FBXL17: variants seen among roughly 807,000 people sequenced by gnomAD.
FBXL17 encodes the protein F-box and leucine rich repeat protein 17.
FBXL17 carries 22 observed loss-of-function variants against 66.2 expected under a neutral mutation model. That is an observed-to-expected ratio of 0.33 (90% CI 0.24 to 0.47). FBXL17 has a LOEUF of 0.47. Among genes scored for constraint, FBXL17 ranks in the 20% least tolerant of loss-of-function variants. FBXL17 has a pLI of 1.00. For synonymous variants in FBXL17, 474 were observed against 400.5 expected (o/e 1.18, Z -2.19); for missense variants, 878 against 948.2 (o/e 0.93, Z 0.97).
At chr5:108,340,363 C>G (rs1380204576) in intron 4 of FBXL17, among the ~76,000 whole-genome samples, 1 of 137,456 alleles carries the variant, frequency 7.3e-6, no homozygotes, top group African/African-American at 2.7e-5. Flanking sequence ...CCAGCCTGGG[C>G]AATATAGTGA....
chr5:108,231,747 AG>A (rs1187679746), intron 4 of FBXL17, among the ~76,000 whole-genome samples: 4 of 152,178 alleles, frequency 2.6e-5, no homozygotes, highest in African/African-American at 9.7e-5. Flanking sequence ...GGTGACTGAC[AG>A]GACTATCAAG....
chr5:108,048,092 G>A (rs1005896432), intron 6 of FBXL17, among the ~76,000 whole-genome samples: 4 of 152,212 alleles, frequency 2.6e-5, no homozygotes, highest in African/African-American at 9.6e-5. Context: ...GGAAGGAGCA[G>A]GCAGCCATCT....
intron 7 of FBXL17, among the ~76,000 whole-genome samples, chr5:107,935,614 G>C (rs895170984): frequency 6.6e-6 from 1 of 152,110 alleles, no homozygotes; most frequent in Admixed American, 6.6e-5. Flanking sequence ...AGCAACAATA[G>C]AGAGGTAGTA....
At chr5:108,104,619 G>A (rs765858671) in intron 6 of FBXL17, among the ~76,000 whole-genome samples, 10 of 152,138 alleles carry the variant, frequency 6.6e-5, no homozygotes, top group African/African-American at 9.7e-5. Context: ...TTAATTGGAC[G>A]AGTAAGACTA....
intron 6 of FBXL17, among the ~76,000 whole-genome samples, chr5:108,110,617 C>T (rs542532574): frequency 6.8e-4 from 104 of 152,054 alleles, no homozygotes; most frequent in African/African-American, 2.4e-3. Flanking sequence ...TTCCATTTTT[C>T]GATGCTGAGT....
At chr5:108,002,733 G>A (rs1457567679) in intron 7 of FBXL17, among the ~76,000 whole-genome samples, 1 of 152,132 alleles carries the variant, frequency 6.6e-6, no homozygotes, top group East Asian at 1.9e-4. Flanking sequence ...CCACAACACT[G>A]ACAAATCTCA....
At chr5:108,024,514 T>G (rs1754718778) in intron 6 of FBXL17, among the ~76,000 whole-genome samples, 1 of 152,212 alleles carries the variant, frequency 6.6e-6, no homozygotes, top group Non-Finnish European at 1.5e-5. Flanking sequence ...TCGGTTCATT[T>G]AAATATACTT....
chr5:108,009,842 T>C (rs749120586), intron 7 of FBXL17, among the ~76,000 whole-genome samples: 1 of 152,222 alleles, frequency 6.6e-6, no homozygotes, highest in East Asian at 1.9e-4. Context: ...CTCCAAAAAA[T>C]ATGAGATGGA....
chr5:108,305,707 GA>G (rs1458246194), intron 4 of FBXL17, among the ~76,000 whole-genome samples: 1 of 152,040 alleles, frequency 6.6e-6, no homozygotes, highest in African/African-American at 2.4e-5. Flanking sequence ...AGTTTGAACT[GA>G]AAATAAAGAG....
intron 5 of FBXL17, among the ~76,000 whole-genome samples, chr5:108,187,463 T>G (rs1003416070): frequency 6.6e-6 from 1 of 152,208 alleles, no homozygotes; most frequent in African/African-American, 2.4e-5. Flanking sequence ...AGTCCCAGTG[T>G]AATCACTGGA....
intron 4 of FBXL17, chr5:108,301,934 T>G (rs1348567167): frequency 3.4e-6 from 2 of 596,384 alleles, no homozygotes; most frequent in African/African-American, 4.0e-5. Context: ...GGGAGATATA[T>G]GTATTGATAA....
intron 6 of FBXL17, among the ~76,000 whole-genome samples, chr5:108,080,802 A>C (rs1253782100): frequency 6.6e-6 from 1 of 152,148 alleles, no homozygotes; most frequent in African/African-American, 2.4e-5. Flanking sequence ...AGAGTATCTG[A>C]GTTAAGATAA....
chr5:108,319,340 C>A (rs1056692078), intron 4 of FBXL17, among the ~76,000 whole-genome samples: 11 of 151,754 alleles, frequency 7.2e-5, no homozygotes, highest in African/African-American at 1.9e-4. Flanking sequence ...ACAACTACAG[C>A]AAAAGTTAAA....
rs188250659 is a variant in FBXL17 at position 107,955,788 on chromosome 5, C to T, written c.1822+65137G>A. Among the ~76,000 whole-genome samples, 613 of 152,242 alleles carry T rather than the reference C, an allele frequency of 4.0e-3. 13 individuals are homozygous for T. Among genetic ancestry groups the T allele is most frequent in the Non-Finnish European group, 1.8e-3 (123 of 68,010 alleles). On this transcript the variant is annotated intron_variant, in intron 7 of 8. Coordinates refer to ENST00000542267, the MANE Select transcript of FBXL17 (RefSeq NM_001163315.3). ...TTATATCTGGTTTCAGAATAGCCCA[C>T]CTCTCAAACATCTCTTAAAATAAGT...
At chr5:108,342,146 A>C (rs1746927407) in intron 4 of FBXL17, among the ~76,000 whole-genome samples, 1 of 152,198 alleles carries the variant, frequency 6.6e-6, no homozygotes, top group Non-Finnish European at 1.5e-5. Context: ...TAAGGAACAG[A>C]GTACAGAGTT....
chr5:107,942,508 A>G (rs186811538), intron 7 of FBXL17, among the ~76,000 whole-genome samples: 278 of 152,276 alleles, frequency 1.8e-3, no homozygotes, highest in Non-Finnish European at 1.2e-3. Flanking sequence ...GCTCACTCAA[A>G]CCATGAAGAT....
intron 4 of FBXL17, among the ~76,000 whole-genome samples, chr5:108,313,520 A>G (rs1294153229): frequency 6.6e-6 from 1 of 152,118 alleles, no homozygotes; most frequent in African/African-American, 2.4e-5. Flanking sequence ...ACTGTAAAAT[A>G]TGCCCTTAGT....
chr5:108,270,394 ATATT>A (rs529481450), intron 4 of FBXL17, among the ~76,000 whole-genome samples: 4 of 150,750 alleles, frequency 2.7e-5, no homozygotes, highest in Non-Finnish European at 5.9e-5. Flanking sequence ...GTTAAATCAC[ATATT>A]TATTTATAAC....
intron 6 of FBXL17, among the ~76,000 whole-genome samples, chr5:108,117,414 G>GA (rs1219349612): frequency 1.3e-5 from 2 of 152,048 alleles, no homozygotes; most frequent in Non-Finnish European, 2.9e-5. Context: ...AGGAACAAAT[G>GA]AAAAAGAGTG....
Sources: gnomAD v4.1 joint callset for allele counts (sites outside exome capture counted in the v4.1 genomes callset) on GRCh38, gnomAD v4.1.1 for gene constraint, MANE v1.5 for transcripts, NCBI Gene and HGNC (gene_info 2026-07-23, HGNC 2026-07-21) for gene names.